Variants in TRIM33 observed in about 807,000 individuals in gnomAD.
TRIM33 encodes E3 ubiquitin-protein ligase TRIM33.
A neutral mutation model predicts 125.4 loss-of-function variants in TRIM33; 20 were observed. The observed-to-expected ratio is 0.16, with a 90% CI of 0.11 to 0.23. TRIM33 has a LOEUF of 0.23. TRIM33 is among the 10% of genes least tolerant of loss of function. The pLI is 1.00. For missense variants in TRIM33, 920 were observed against 1,411.4 expected, an observed-to-expected ratio of 0.65 and a Z score of 5.58; for synonymous variants, 564 against 513.9, an observed-to-expected ratio of 1.10 and a Z score of -1.32.
chr1:114,507,978 G>A (rs1442069528), intron 1 of TRIM33, among the ~76,000 whole-genome samples: 1 of 152,032 alleles, frequency 6.6e-6, no homozygotes, highest in African/African-American at 2.4e-5. Context: ...TTAGCCAGGC[G>A]TGGTGATATG....
At chr1:114,411,404 C>A (rs1483847675) in intron 11 of TRIM33, among the ~76,000 whole-genome samples, 1 of 152,138 alleles carries the variant, frequency 6.6e-6, no homozygotes, top group Non-Finnish European at 1.5e-5. Flanking sequence ...AATCAAAGGA[C>A]AATAGCAGTT....
At chr1:114,403,015 A>C in intron 15 of TRIM33, 132 bp from the exon 16 acceptor site, 1 of 875,876 alleles carries the variant, frequency 1.1e-6, no homozygotes, top group East Asian at 2.9e-5. Flanking sequence ...TATAGTTGTG[A>C]AATCTCGTCA....
chr1:114,484,418 CT>C (rs1651545460), intron 1 of TRIM33, among the ~76,000 whole-genome samples: 1 of 152,146 alleles, frequency 6.6e-6, no homozygotes, highest in Non-Finnish European at 1.5e-5. Context: ...ACTGGTCATC[CT>C]TTTCATCTTT....
At chr1:114,496,694 T>G (rs1341930148) in intron 1 of TRIM33, among the ~76,000 whole-genome samples, 4 of 152,236 alleles carry the variant, frequency 2.6e-5, no homozygotes, top group African/African-American at 7.2e-5. Context: ...AAATTCTCAT[T>G]TAATTGGGAA....
chr1:114,510,088 C>T (rs894035673), intron 1 of TRIM33, among the ~76,000 whole-genome samples: 3 of 152,036 alleles, frequency 2.0e-5, no homozygotes, highest in Non-Finnish European at 4.4e-5. Context: ...ATCCATAGTC[C>T]TCCTCTCTCC....
intron 1 of TRIM33, among the ~76,000 whole-genome samples, chr1:114,475,408 G>A (rs180817211): frequency 2.0e-5 from 3 of 152,314 alleles, no homozygotes; most frequent in Admixed American, 6.5e-5. Context: ...TAGGCTAGGC[G>A]CGGTGGCCCA....
At chr1:114,402,982 A>ATT in intron 15 of TRIM33, 99 bp from the exon 16 acceptor site, 1 of 1,227,114 alleles carries the variant, frequency 8.1e-7, no homozygotes, top group Non-Finnish European at 1.1e-6. Context: ...TTTCTTAATA[A>ATT]TTTTTTGAAA....
intron 1 of TRIM33, chr1:114,468,662 C>A: frequency 2.3e-6 from 1 of 441,566 alleles, no homozygotes; most frequent in South Asian, 1.7e-5. Context: ...CAGAGTATGA[C>A]CTTAATATTA....
rs780384891 is a variant in TRIM33, at chr1:114,421,562, A to G, written c.1935T>C (p.Pro645=). Residue 645 remains proline (P), a synonymous_variant, in exon 11 of 20, where the codon CCT becomes CCC. Coordinates refer to ENST00000358465, the MANE Select transcript of TRIM33 (RefSeq NM_015906.4). ...VHNTTINPTS[P]TTATMANANR... ...TTGCATTTGCCATAGTTGCTGTAGT[A>G]GGGCTCGTTGGGTTGATTGTGGTGT... is the stretch of plus-strand genomic sequence containing the variant. 8 of 1,614,148 alleles carry G rather than the reference A, an allele frequency of 5.0e-6. No homozygotes were observed. In the South Asian group the frequency reaches 8.8e-5, roughly 18 times the overall value.
intron 6 of TRIM33, among the ~76,000 whole-genome samples, chr1:114,429,360 G>GA (rs1553210281): frequency 3.5e-5 from 5 of 141,878 alleles, no homozygotes; most frequent in Non-Finnish European, 1.6e-5. Context: ...GCTAATTTTT[G>GA]TTTTTTTTTT....
At chr1:114,506,657 A>C (rs1653022855) in intron 1 of TRIM33, among the ~76,000 whole-genome samples, 1 of 152,298 alleles carries the variant, frequency 6.6e-6, no homozygotes, top group South Asian at 2.1e-4. Context: ...TTATTGATAA[A>C]GTATAAATGT....
intron 1 of TRIM33, among the ~76,000 whole-genome samples, chr1:114,505,234 C>T (rs897373862): frequency 6.6e-6 from 1 of 152,136 alleles, no homozygotes; most frequent in Non-Finnish European, 1.5e-5. Flanking sequence ...TTGGACACAT[C>T]GTTAATGACT....
chr1:114,504,375 C>T (rs1023386560), intron 1 of TRIM33, among the ~76,000 whole-genome samples: 24 of 152,122 alleles, frequency 1.6e-4, no homozygotes, highest in African/African-American at 5.8e-4. Flanking sequence ...ATCATGTTAC[C>T]TAGACTAGTC....
At chr1:114,498,463 C>A (rs1024486032) in intron 1 of TRIM33, among the ~76,000 whole-genome samples, 1 of 152,062 alleles carries the variant, frequency 6.6e-6, no homozygotes, top group Non-Finnish European at 1.5e-5. Flanking sequence ...GCCTGGCCAA[C>A]ATGGTGAAAC....
At chr1:114,427,139 T>G in intron 8 of TRIM33, 38 bp downstream of exon 8, 1 of 958,012 alleles carries the variant, frequency 1.0e-6, no homozygotes. Flanking sequence ...TCTAATTCAG[T>G]GTTCCAAGTT....
At chr1:114,487,758 G>A (rs566437737) in intron 1 of TRIM33, among the ~76,000 whole-genome samples, 12 of 150,702 alleles carry the variant, frequency 8.0e-5, no homozygotes, top group Non-Finnish European at 1.6e-4. Flanking sequence ...TTAGCCGGGC[G>A]CGGTGGCGGG....
At chr1:114,429,214 G>C (rs1387476382) in intron 6 of TRIM33, among the ~76,000 whole-genome samples, 1 of 150,728 alleles carries the variant, frequency 6.6e-6, no homozygotes, top group Non-Finnish European at 1.5e-5. Flanking sequence ...TTGAGACGGA[G>C]TCTCGCTCTG....
At position 114,474,298 on chromosome 1, in the gene TRIM33, C is replaced by T. The variant is rs187852685; in HGVS notation, c.527-9910G>A. ...TTACATAAGAGCTGGAGTCTTGGTG[C>T]GGTGGCTCACACCTGTAATCCCAGC... is the stretch of plus-strand genomic sequence containing the variant. On this transcript the variant is annotated intron_variant, in intron 1 of 19. Transcript: ENST00000358465. 1.8e-4 allele frequency among the ~76,000 whole-genome samples: 28 copies of T among 151,772 alleles called. No individual in the cohort carries two copies. In the East Asian group the frequency reaches 2.1e-3, roughly 12 times the overall value.
At position 114,510,646 on chromosome 1, in the gene TRIM33, G is replaced by A; in HGVS notation, c.431C>T (p.Pro144Leu). The change falls in exon 1 of 20, where the codon CCC becomes CTC. Residue 144 changes from proline (P) to leucine (L), a missense_variant. Physicochemically the swap from Pro to Leu is moderately conservative, Grantham distance 98. Around this residue, in one of 8 missense-constraint regions of TRIM33, gnomAD observed 75 missense variants for 123.9 expected, o/e 0.61. Coordinates refer to ENST00000358465, the MANE Select transcript of TRIM33 (RefSeq NM_015906.4). ...SRREAEPKLLPCLHSFCLRCL... is the reference protein window; with the variant it reads ...SRREAEPKLLLCLHSFCLRCL... ...GCGCAGGCAGAAGGAGTGAAGACAG[G>A]GCAGCAGCTTGGGCTCCGCCTCACG... is the stretch of plus-strand genomic sequence containing the variant. 1 of 1,564,436 alleles carries A rather than the reference G, an allele frequency of 6.4e-7. No homozygotes were observed. The highest frequency in any genetic ancestry group is 8.6e-7 in the Non-Finnish European group (1 of 1,161,978).
Sources: gnomAD v4.1 joint callset for allele counts (sites outside exome capture counted in the v4.1 genomes callset) on GRCh38, gnomAD v4.1.1 for gene constraint, gnomAD v4.1.1 regional missense constraint, MANE v1.5 for transcripts, NCBI Gene and HGNC (gene_info 2026-07-23, HGNC 2026-07-21) for gene names.